Variants in GPD2 observed in about 807,000 individuals in gnomAD.
GPD2 encodes the protein glycerol-3-phosphate dehydrogenase 2, also known as glycerol-3-phosphate dehydrogenase, mitochondrial.
A neutral mutation model predicts 82.4 loss-of-function variants in GPD2; 54 were observed. That is an observed-to-expected ratio of 0.66 (90% confidence interval 0.53 to 0.82). The LOEUF is 0.82. Among genes scored for constraint, GPD2 ranks in the 40% least tolerant of loss-of-function variants. The pLI is 0.00. For synonymous variants in GPD2, 288 were observed against 306.1 expected, an observed-to-expected ratio of 0.94 and a Z score of 0.62; for missense variants, 748 against 896.2, an observed-to-expected ratio of 0.83 and a Z score of 2.11.
At chr2:156,495,685 G>A in intron 2 of GPD2, 1 of 417,220 alleles carries the variant, frequency 2.4e-6, no homozygotes, top group East Asian at 7.3e-5. Context: ...TGAATTGCTA[G>A]TACTGGGTAA....
the GPD2 span, among the ~76,000 whole-genome samples, chr2:156,422,752 C>CA: frequency 1.7e-4 from 26 of 149,778 alleles, no homozygotes; most frequent in South Asian, 1.1e-3. Flanking sequence ...AACAAACAAA[C>CA]AAAAAAAAAC....
intron 1 of GPD2, among the ~76,000 whole-genome samples, chr2:156,469,675 A>C (rs1683262697): frequency 6.6e-6 from 1 of 152,098 alleles, no homozygotes; most frequent in Admixed American, 6.5e-5. Context: ...TGGTCGTTGA[A>C]ATTACTCTTC....
intron 8 of GPD2, among the ~76,000 whole-genome samples, chr2:156,552,818 T>A (rs1553476574): frequency 6.6e-6 from 1 of 151,950 alleles, no homozygotes; most frequent in Non-Finnish European, 1.5e-5. Context: ...ATAGGACTTC[T>A]GGGGTTTGTT....
intron 2 of GPD2, among the ~76,000 whole-genome samples, chr2:156,489,924 C>T (rs1438203515): frequency 6.8e-6 from 1 of 147,474 alleles, no homozygotes; most frequent in Non-Finnish European, 1.5e-5. Context: ...CTTCTCTCCC[C>T]TCCCCTCCTT....
intron 2 of GPD2, among the ~76,000 whole-genome samples, chr2:156,495,130 A>C (rs1263699546): frequency 6.6e-6 from 1 of 152,126 alleles, no homozygotes; most frequent in Non-Finnish European, 1.5e-5. Context: ...GGATTGCTTG[A>C]TTGATTCTAG....
the GPD2 span, among the ~76,000 whole-genome samples, chr2:156,402,764 G>A: frequency 3.9e-5 from 6 of 152,046 alleles, no homozygotes; most frequent in African/African-American, 1.2e-4. Context: ...AATCCTCCCT[G>A]CTCTGTCTCC....
intron 1 of GPD2, among the ~76,000 whole-genome samples, chr2:156,436,770 A>G (rs1354396315): frequency 6.6e-6 from 1 of 152,190 alleles, no homozygotes; most frequent in African/African-American, 2.4e-5. Context: ...TTGGTACCCC[A>G]TTGAAAGTTC....
At chr2:156,572,991 A>G (rs1442098718) in intron 13 of GPD2, among the ~76,000 whole-genome samples, 1 of 152,182 alleles carries the variant, frequency 6.6e-6, no homozygotes, top group African/African-American at 2.4e-5. Context: ...GTGTTCTCAC[A>G]TAGCATGAGT....
intron 2 of GPD2, among the ~76,000 whole-genome samples, chr2:156,481,648 CTTTTTTTTT>C (rs869063014): frequency 7.1e-6 from 1 of 141,674 alleles, no homozygotes; most frequent in South Asian, 2.2e-4. Context: ...CATTCTTTTT[CTTTTTTTTT>C]TTTTTAAATA....
intron 1 of GPD2, among the ~76,000 whole-genome samples, chr2:156,440,657 T>C (rs1682137122): frequency 6.6e-6 from 1 of 152,208 alleles, no homozygotes; most frequent in Admixed American, 6.5e-5. Context: ...AAAACCAAAT[T>C]TCTGATTTAT....
In GPD2 at chr2:156,513,547, A is replaced by G. The variant is rs753344329; in HGVS notation, c.661+51A>G. 1.3e-5 allele frequency: 18 copies of G among 1,368,236 alleles called. No homozygotes were observed. The South Asian group carries it at 2.1e-4, about 16-fold the overall frequency. The allele number at this position is 1,368,236 out of a possible 1,614,324, so 84.8% of individuals were successfully genotyped here. On this transcript the variant is annotated intron_variant, in intron 6 of 16. Coordinates refer to ENST00000438166, the MANE Select transcript of GPD2 (RefSeq NM_000408.5). ...CTCACAAGATACTTTTCTCTCACTC[A>G]TGACCCGTATAGTGTATTCTTAAGG...
At chr2:156,401,198 T>A in the GPD2 span, among the ~76,000 whole-genome samples, 1 of 152,222 alleles carries the variant, frequency 6.6e-6, no homozygotes, top group Non-Finnish European at 1.5e-5. Context: ...GCGAGAATTC[T>A]ACCACTGAAC....
At chr2:156,509,655 A>G (rs1684913656) in intron 3 of GPD2, among the ~76,000 whole-genome samples, 1 of 152,022 alleles carries the variant, frequency 6.6e-6, no homozygotes, top group African/African-American at 2.4e-5. Context: ...AGCAAAACAA[A>G]ACTAGTTATC....
chr2:156,484,589 C>T (rs929255620), intron 2 of GPD2, among the ~76,000 whole-genome samples: 5 of 152,014 alleles, frequency 3.3e-5, no homozygotes, highest in African/African-American at 1.2e-4. Flanking sequence ...CCTGTAATCC[C>T]AGCACTTTGG....
At chr2:156,537,910 G>C (rs1686142146) in intron 6 of GPD2, among the ~76,000 whole-genome samples, 1 of 152,208 alleles carries the variant, frequency 6.6e-6, no homozygotes, top group Non-Finnish European at 1.5e-5. Flanking sequence ...TCTGTAGGTA[G>C]TTCCCCCAAA....
chr2:156,460,335 GT>G (rs1682947243), intron 1 of GPD2, among the ~76,000 whole-genome samples: 1 of 152,154 alleles, frequency 6.6e-6, no homozygotes. Flanking sequence ...AGTTTCCAGT[GT>G]GATGCCAACA....
chr2:156,428,121 G>A, the GPD2 span, among the ~76,000 whole-genome samples: 1 of 152,144 alleles, frequency 6.6e-6, no homozygotes, highest in Non-Finnish European at 1.5e-5. Flanking sequence ...AGGTAAAATT[G>A]ACAGGTTCCA....
chr2:156,495,440 CTT>C, intron 2 of GPD2: 1 of 222,326 alleles, frequency 4.5e-6, no homozygotes, highest in Non-Finnish European at 1.0e-5. Flanking sequence ...GTATGGAAGT[CTT>C]TGACTAAATT....
At chr2:156,558,915 C>T (rs543719643) in intron 9 of GPD2, among the ~76,000 whole-genome samples, 6 of 151,550 alleles carry the variant, frequency 4.0e-5, no homozygotes, top group Non-Finnish European at 7.4e-5. Context: ...CGTGCCTGGC[C>T]GAAACATAAG....
Sources: gnomAD v4.1 joint callset for allele counts (sites outside exome capture counted in the v4.1 genomes callset) on GRCh38, gnomAD v4.1.1 for gene constraint, MANE v1.5 for transcripts, NCBI Gene and HGNC (gene_info 2026-07-23, HGNC 2026-07-21) for gene names.